FOCAD: variants seen among roughly 807,000 people sequenced by gnomAD.
FOCAD encodes focadhesin.
In FOCAD, 198 loss-of-function variants were observed where a neutral mutation model predicts 225.6. The observed-to-expected ratio is 0.88, with a 90% CI of 0.78 to 0.99. The LOEUF (loss-of-function observed/expected upper bound fraction) is 0.99, where lower values mean the gene tolerates loss of function less well. Ranked by LOEUF, FOCAD falls within the 50% of genes least tolerant of loss-of-function variation. The pLI is 0.00. For missense variants in FOCAD, 2,713 were observed against 2,123.6 expected, an observed-to-expected ratio of 1.28 and a Z score of -5.46; for synonymous variants, 897 against 755.0, an observed-to-expected ratio of 1.19 and a Z score of -3.08.
chr9:20,983,334 GA>G (rs1247707818), intron 39 of FOCAD, among the ~76,000 whole-genome samples: 1 of 152,134 alleles, frequency 6.6e-6, no homozygotes, highest in East Asian at 1.9e-4. Flanking sequence ...AGCACTTTGG[GA>G]GGCCGAGGCG....
At chr9:20,831,403 C>T (rs1397937184) in intron 15 of FOCAD, among the ~76,000 whole-genome samples, 1 of 151,966 alleles carries the variant, frequency 6.6e-6, no homozygotes, top group Non-Finnish European at 1.5e-5. Context: ...AATGTGTTAA[C>T]CTTAAAATAA....
At chr9:20,755,975 A>G (rs534064690) in intron 5 of FOCAD, among the ~76,000 whole-genome samples, 5 of 152,158 alleles carry the variant, frequency 3.3e-5, no homozygotes, top group African/African-American at 9.6e-5. Context: ...TGTGGTTTTA[A>G]TTGAACACGA....
intron 1 of FOCAD, among the ~76,000 whole-genome samples, chr9:20,708,871 T>C (rs557638117): frequency 3.9e-5 from 6 of 152,120 alleles, no homozygotes; most frequent in African/African-American, 1.4e-4. Flanking sequence ...TAGTCAAGAG[T>C]GCTCAAAGTC....
chr9:20,817,444 C>G (rs1333150970), intron 11 of FOCAD, among the ~76,000 whole-genome samples: 10 of 152,102 alleles, frequency 6.6e-5, no homozygotes, highest in Non-Finnish European at 1.2e-4. Context: ...TACATACAGC[C>G]TTTTGTGGCT....
intron 5 of FOCAD, among the ~76,000 whole-genome samples, chr9:20,752,323 AT>A (rs1198794342): frequency 4.6e-5 from 7 of 150,728 alleles, no homozygotes; most frequent in African/African-American, 7.3e-5. Context: ...TCCATCTTGA[AT>A]TGATTTTTGT....
intron 21 of FOCAD, among the ~76,000 whole-genome samples, chr9:20,893,271 A>G (rs1428087653): frequency 6.6e-6 from 1 of 152,140 alleles, no homozygotes; most frequent in East Asian, 1.9e-4. Context: ...ATTATAGTAT[A>G]GTGTAAGCAT....
intron 35 of FOCAD, among the ~76,000 whole-genome samples, chr9:20,969,763 A>G (rs943004924): frequency 4.5e-5 from 6 of 132,614 alleles, no homozygotes; most frequent in African/African-American, 1.1e-4. Context: ...ATATTTACCT[A>G]TGTAATTACC....
chr9:20,891,019 A>T (rs956569309), intron 21 of FOCAD, among the ~76,000 whole-genome samples: 9 of 152,046 alleles, frequency 5.9e-5, no homozygotes, highest in African/African-American at 2.2e-4. Flanking sequence ...TGCTTACTTC[A>T]TGTCTCTGTG....
chr9:20,671,891 T>C (rs560534179), intron 2 of FOCAD, among the ~76,000 whole-genome samples: 311 of 152,286 alleles, frequency 2.0e-3, no homozygotes, highest in African/African-American at 6.7e-3. Context: ...GTACACCTCT[T>C]TCAAATTCCA....
At chr9:20,737,774 G>T (rs1052665121) in intron 4 of FOCAD, among the ~76,000 whole-genome samples, 4 of 152,294 alleles carry the variant, frequency 2.6e-5, no homozygotes, top group Admixed American at 6.5e-5. Flanking sequence ...GGTCAGAGCT[G>T]CAGGACTGCA....
chr9:20,959,713 C>T (rs1383938226), intron 35 of FOCAD, among the ~76,000 whole-genome samples: 4 of 151,856 alleles, frequency 2.6e-5, no homozygotes, highest in African/African-American at 4.8e-5. Flanking sequence ...TTTTGTAGGG[C>T]GAGAGATTGG....
chr9:20,931,350 C>T (rs4977823), intron 27 of FOCAD, among the ~76,000 whole-genome samples: 51,267 of 151,974 alleles, frequency 0.34, 9,033 homozygotes, highest in East Asian at 0.43. Flanking sequence ...TAGCATCCTC[C>T]TTCTACTTAG....
At chr9:20,802,139 C>T (rs904003748) in intron 11 of FOCAD, among the ~76,000 whole-genome samples, 3 of 152,120 alleles carry the variant, frequency 2.0e-5, no homozygotes, top group Non-Finnish European at 4.4e-5. Flanking sequence ...GGGATGATTT[C>T]TACCTGGCAG....
chr9:20,752,104 A>G (rs1451011585), intron 5 of FOCAD, among the ~76,000 whole-genome samples: 2 of 145,840 alleles, frequency 1.4e-5, no homozygotes, highest in Non-Finnish European at 3.0e-5. Flanking sequence ...CCCATTTTGT[A>G]GGTTGCCTGT....
intron 4 of FOCAD, among the ~76,000 whole-genome samples, chr9:20,740,013 ATGAT>A (rs1827478518): frequency 1.3e-5 from 2 of 152,114 alleles, no homozygotes; most frequent in South Asian, 4.2e-4. Context: ...GTGTAGGCAG[ATGAT>A]TGATAAGTTG....
At chr9:20,864,500 A>T (rs902757265) in intron 16 of FOCAD, among the ~76,000 whole-genome samples, 9 of 152,022 alleles carry the variant, frequency 5.9e-5, no homozygotes, top group African/African-American at 2.2e-4. Context: ...TTAAAAATAT[A>T]TTTTAGGAAG....
intron 2 of FOCAD, among the ~76,000 whole-genome samples, chr9:20,670,398 G>T (rs1438395060): frequency 1.3e-5 from 2 of 152,288 alleles, no homozygotes; most frequent in East Asian, 3.9e-4. Context: ...ATAAACAAAA[G>T]AAGTTTGATT....
chr9:20,943,734 C>G (rs1417437175), intron 28 of FOCAD, among the ~76,000 whole-genome samples: 1 of 152,116 alleles, frequency 6.6e-6, no homozygotes, highest in East Asian at 1.9e-4. Context: ...CAGCAGATAT[C>G]ATGATGAGAG....
chr9:20,941,277 G>A (rs1836633459), intron 28 of FOCAD, among the ~76,000 whole-genome samples: 1 of 152,168 alleles, frequency 6.6e-6, no homozygotes, highest in Non-Finnish European at 1.5e-5. Context: ...CCATCTAGTG[G>A]TAGCTCATTG....
Sources: gnomAD v4.1 joint callset for allele counts (sites outside exome capture counted in the v4.1 genomes callset) on GRCh38, gnomAD v4.1.1 for gene constraint, MANE v1.5 for transcripts, NCBI Gene and HGNC (gene_info 2026-07-23, HGNC 2026-07-21) for gene names.